The following PCDH11X variants were observed in gnomAD, a reference collection of about 807,000 sequenced individuals.
PCDH11X encodes protocadherin 11 X-linked.
PCDH11X carries 18 observed loss-of-function variants against 53.3 expected under a neutral mutation model. The ratio of observed to expected loss-of-function variants is 0.34; its 90% CI spans 0.23 to 0.50. PCDH11X has a LOEUF of 0.50. PCDH11X is among the 20% of genes least tolerant of loss of function. The pLI is 0.98. For synonymous variants in PCDH11X, 279 were observed against 393.3 expected (o/e 0.71, Z 3.44); for missense variants, 570 against 1,032.4 (o/e 0.55, Z 6.14).
chrX:92,216,122 A>G (rs1404904679), intron 7 of PCDH11X, among the ~76,000 whole-genome samples: 1 of 109,257 alleles, frequency 9.2e-6, no homozygotes, highest in African/African-American at 3.3e-5. Context: ...GAGCAGAAAA[A>G]CTGGAAACTC....
intron 6 of PCDH11X, among the ~76,000 whole-genome samples, chrX:91,969,535 A>G (rs1470400125): frequency 9.0e-6 from 1 of 111,325 alleles, no homozygotes; most frequent in East Asian, 2.8e-4. Flanking sequence ...ATGGTGGCTC[A>G]CACCAGTAAT....
chrX:91,936,109 T>C (rs917975672), intron 6 of PCDH11X, among the ~76,000 whole-genome samples: 10 of 104,358 alleles, frequency 9.6e-5, no homozygotes, highest in African/African-American at 3.5e-4. Flanking sequence ...TTTAGGGGGC[T>C]CTGGCTGAGG....
At chrX:92,534,733 G>T (rs1251312928) in intron 10 of PCDH11X, among the ~76,000 whole-genome samples, 1 of 111,576 alleles carries the variant, frequency 9.0e-6, no homozygotes, top group Non-Finnish European at 1.9e-5. Flanking sequence ...AGCCAGAAGA[G>T]AGTGGGGGCC....
intron 1 of PCDH11X, among the ~76,000 whole-genome samples, chrX:91,804,701 T>C (rs1014288339): frequency 9.0e-6 from 1 of 111,192 alleles, no homozygotes; most frequent in African/African-American, 3.3e-5. Context: ...AACCATTAGA[T>C]ATTTATGTAA....
At chrX:91,816,781 T>G (rs1165043662) in intron 4 of PCDH11X, among the ~76,000 whole-genome samples, 1 of 111,052 alleles carries the variant, frequency 9.0e-6, no homozygotes, top group Admixed American at 9.7e-5. Flanking sequence ...AACAGTGGCT[T>G]GCATTGCATG....
At chrX:92,149,664 T>C (rs993401839) in intron 6 of PCDH11X, among the ~76,000 whole-genome samples, 2 of 110,861 alleles carry the variant, frequency 1.8e-5, no homozygotes, top group African/African-American at 6.6e-5. Context: ...AGTTTTGACA[T>C]ACGTGAAAAC....
rs751332097 is a variant in PCDH11X at position 91,998,894 on chromosome X, C to CTTTTATTTTATTTTATTTTA, written c.3033+119636_3033+119655dup. Among the ~76,000 whole-genome samples the CTTTTATTTTATTTTATTTTA allele has an allele frequency of 5.6e-3, 604 of 108,664 alleles. 5 individuals are homozygous for CTTTTATTTTATTTTATTTTA. The highest frequency in any genetic ancestry group is 0.019 in the African/African-American group (563 of 29,517). 94.4% of individuals were successfully genotyped at this position (108,664 alleles called of 115,157 possible). On this transcript the variant is annotated intron_variant, in intron 6 of 10. Transcript: ENST00000682573. ...ATAGTATGTTTGCATGTTTCTTTTC[C>CTTTTATTTTATTTTATTTTA]TTTTATTTTATTTTATTTTATTTTA...
chrX:92,493,844 A>G (rs1215971561), intron 10 of PCDH11X, among the ~76,000 whole-genome samples: 1 of 106,951 alleles, frequency 9.4e-6, no homozygotes, highest in African/African-American at 3.4e-5. Flanking sequence ...ACGGGGTTTC[A>G]CCGTGTTGCC....
At chrX:92,114,983 C>A (rs2064607415) in intron 6 of PCDH11X, among the ~76,000 whole-genome samples, 1 of 110,656 alleles carries the variant, frequency 9.0e-6, no homozygotes, top group African/African-American at 3.3e-5. Flanking sequence ...CAGGCCCCCA[C>A]TACCATGCCC....
intron 6 of PCDH11X, among the ~76,000 whole-genome samples, chrX:91,977,282 T>G (rs2062059624): frequency 8.9e-6 from 1 of 111,916 alleles, no homozygotes; most frequent in Non-Finnish European, 1.9e-5. Context: ...CATGGTTGTT[T>G]ATTTTGTGTT....
intron 6 of PCDH11X, among the ~76,000 whole-genome samples, chrX:91,897,111 T>G (rs1174037051): frequency 2.3e-3 from 233 of 103,352 alleles, no homozygotes; most frequent in Non-Finnish European, 3.5e-3. Flanking sequence ...AACACATCAG[T>G]TGGGAAATGC....
intron 6 of PCDH11X, among the ~76,000 whole-genome samples, chrX:92,120,428 G>C: frequency 8.9e-6 from 1 of 112,509 alleles, no homozygotes. Flanking sequence ...AAAGTGCTGG[G>C]ATTACAGGCG....
At chrX:92,128,555 G>A (rs1275047147) in intron 6 of PCDH11X, among the ~76,000 whole-genome samples, 4 of 108,783 alleles carry the variant, frequency 3.7e-5, no homozygotes, top group African/African-American at 6.7e-5. Flanking sequence ...GTGCCACCAC[G>A]CCTGGCTAAT....
intron 10 of PCDH11X, among the ~76,000 whole-genome samples, chrX:92,490,754 A>G (rs866477616): frequency 5.1e-5 from 5 of 97,860 alleles, no homozygotes; most frequent in African/African-American, 1.2e-4. Flanking sequence ...GAGAGAAAGA[A>G]AGAAAGAGAA....
chrX:92,613,700 G>T (rs2148818660), intron 10 of PCDH11X, among the ~76,000 whole-genome samples: 1 of 109,711 alleles, frequency 9.1e-6, no homozygotes. Context: ...CAAGATCAGA[G>T]AACTTTTATT....
chrX:92,050,769 T>C (rs1180975095), intron 6 of PCDH11X, among the ~76,000 whole-genome samples: 1 of 109,830 alleles, frequency 9.1e-6, no homozygotes, highest in Non-Finnish European at 1.9e-5. Context: ...TACATATTTT[T>C]AATAAAACTA....
At chrX:92,009,241 G>T (rs1169861198) in intron 6 of PCDH11X, among the ~76,000 whole-genome samples, 1 of 111,768 alleles carries the variant, frequency 8.9e-6, no homozygotes, top group Non-Finnish European at 1.9e-5. Flanking sequence ...AAGAATAATA[G>T]AAATATTAAA....
At chrX:92,119,033 G>T (rs1286428344) in intron 6 of PCDH11X, among the ~76,000 whole-genome samples, 4 of 108,977 alleles carry the variant, frequency 3.7e-5, no homozygotes, top group African/African-American at 1.3e-4. Flanking sequence ...GAGCCACTGC[G>T]CCCGGCCAAT....
chrX:92,417,318 C>T (rs1392916597), intron 9 of PCDH11X, among the ~76,000 whole-genome samples: 3 of 110,694 alleles, frequency 2.7e-5, no homozygotes, highest in Non-Finnish European at 5.7e-5. Flanking sequence ...TGCTAATGAC[C>T]TAGCAAGCCT....
Sources: gnomAD v4.1 joint callset for allele counts (sites outside exome capture counted in the v4.1 genomes callset) on GRCh38, gnomAD v4.1.1 for gene constraint, MANE v1.5 for transcripts, NCBI Gene and HGNC (gene_info 2026-07-23, HGNC 2026-07-21) for gene names.